The following DIAPH3 variants were observed in gnomAD, a reference collection of about 807,000 sequenced individuals.
DIAPH3 encodes the protein diaphanous related formin 3.
Under a neutral mutation model 144.3 loss-of-function variants are expected in DIAPH3, and 117 were observed. The ratio of observed to expected loss-of-function variants is 0.81; its 90% CI spans 0.70 to 0.95. The LOEUF (loss-of-function observed/expected upper bound fraction) is 0.95, where lower values mean the gene tolerates loss of function less well. Among genes scored for constraint, DIAPH3 ranks in the 40% least tolerant of loss-of-function variants. DIAPH3 has a pLI of 0.00. For missense variants in DIAPH3, 1,421 were observed against 1,412.7 expected (o/e 1.01, Z -0.09); for synonymous variants, 519 against 488.9 (o/e 1.06, Z -0.81).
chr13:60,106,174 A>G (rs1393597530), intron 3 of DIAPH3, among the ~76,000 whole-genome samples: 2 of 152,244 alleles, frequency 1.3e-5, no homozygotes, highest in South Asian at 4.1e-4. Context: ...CAGCTCTTAG[A>G]TATTAAGGTT....
At position 59,911,660 on chromosome 13, in the gene DIAPH3, TAGCGATATAAA is replaced by T. The variant is rs2047001684; in HGVS notation, c.2367+64_2367+74del. On this transcript the variant is annotated intron_variant, in intron 20 of 27. Transcript: ENST00000400324. Reference sequence around the variant, plus strand: ...GATTACTCACATGCTTTTTTACATTTAGCGATATAAAAACAGTTGACAGGTTCTCTTGTTTG... The same window carrying T: ...GATTACTCACATGCTTTTTTACATTTAACAGTTGACAGGTTCTCTTGTTTG... 2.8e-6 allele frequency: 3 copies of T among 1,082,112 alleles called. No individual in the cohort carries two copies. The East Asian group carries it at 7.1e-5, about 26-fold the overall frequency. The allele number at this position is 1,082,112 out of a possible 1,614,324, so 67.0% of individuals were successfully genotyped here.
At chr13:59,956,646 G>A (rs2049426121) in intron 17 of DIAPH3, among the ~76,000 whole-genome samples, 1 of 152,228 alleles carries the variant, frequency 6.6e-6, no homozygotes. Context: ...TCCCCACTAG[G>A]GCACTGCTGG....
chr13:59,667,670 TAC>T (rs2032099468), intron 27 of DIAPH3, among the ~76,000 whole-genome samples: 2 of 152,248 alleles, frequency 1.3e-5, no homozygotes, highest in Non-Finnish European at 1.5e-5. Context: ...CATATATACA[TAC>T]ACACATACAT....
chr13:59,686,938 C>T (rs536378094), intron 27 of DIAPH3, among the ~76,000 whole-genome samples: 20 of 152,144 alleles, frequency 1.3e-4, no homozygotes, highest in South Asian at 6.2e-4. Flanking sequence ...AAAACAGTAA[C>T]GACTTCAGAG....
At chr13:59,996,942 A>G (rs2052232090) in intron 9 of DIAPH3, among the ~76,000 whole-genome samples, 1 of 152,128 alleles carries the variant, frequency 6.6e-6, no homozygotes, top group Non-Finnish European at 1.5e-5. Flanking sequence ...CCTTTGGTAC[A>G]TAATTTACTG....
intron 5 of DIAPH3, among the ~76,000 whole-genome samples, chr13:60,034,039 T>C (rs74944839): frequency 0.037 from 5,579 of 152,318 alleles, 135 homozygotes; most frequent in East Asian, 0.075. Flanking sequence ...GACTTGGCAA[T>C]ACTCTAAGAC....
chr13:59,709,161 C>T (rs1158244609), intron 27 of DIAPH3, among the ~76,000 whole-genome samples: 1 of 152,096 alleles, frequency 6.6e-6, no homozygotes, highest in Non-Finnish European at 1.5e-5. Flanking sequence ...ACTTTTATTT[C>T]TGGGTGAGCC....
intron 17 of DIAPH3, among the ~76,000 whole-genome samples, chr13:59,935,548 T>C (rs561111182): frequency 8.5e-5 from 13 of 152,242 alleles, no homozygotes; most frequent in East Asian, 3.9e-4. Flanking sequence ...TGATACAGAA[T>C]ACATAGGAAA....
chr13:59,850,813 A>C (rs1405014677), intron 22 of DIAPH3, among the ~76,000 whole-genome samples: 2 of 148,148 alleles, frequency 1.3e-5, no homozygotes, highest in South Asian at 2.2e-4. Context: ...ACACTCTCCC[A>C]AGACTAAACC....
intron 21 of DIAPH3, among the ~76,000 whole-genome samples, chr13:59,863,009 C>T (rs1456917752): frequency 6.6e-6 from 1 of 152,140 alleles, no homozygotes; most frequent in Non-Finnish European, 1.5e-5. Flanking sequence ...ATCAAATTAA[C>T]ATAAACAGGT....
chr13:59,911,255 A>C (rs2046982965), intron 20 of DIAPH3, among the ~76,000 whole-genome samples: 1 of 152,186 alleles, frequency 6.6e-6, no homozygotes, highest in African/African-American at 2.4e-5. Flanking sequence ...AGGCTGGAGC[A>C]AGATGATTAT....
At chr13:59,683,635 G>A (rs913424589) in intron 27 of DIAPH3, among the ~76,000 whole-genome samples, 17 of 152,134 alleles carry the variant, frequency 1.1e-4, no homozygotes, top group African/African-American at 4.1e-4. Context: ...GGTGCATTGG[G>A]CAGAATTTGA....
At chr13:60,047,164 C>T (rs985506283) in intron 4 of DIAPH3, among the ~76,000 whole-genome samples, 2 of 151,820 alleles carry the variant, frequency 1.3e-5, no homozygotes, top group South Asian at 2.1e-4. Flanking sequence ...GATAAAACTA[C>T]AACACATTTG....
intron 17 of DIAPH3, among the ~76,000 whole-genome samples, chr13:59,937,753 A>G (rs911441014): frequency 2.0e-5 from 3 of 152,206 alleles, no homozygotes; most frequent in Admixed American, 6.5e-5. Flanking sequence ...ACTTACTTCT[A>G]TATTTGATGA....
chr13:59,704,729 C>G (rs2034317652), intron 27 of DIAPH3, among the ~76,000 whole-genome samples: 1 of 152,156 alleles, frequency 6.6e-6, no homozygotes, highest in African/African-American at 2.4e-5. Flanking sequence ...CTAGGAGTAA[C>G]AGGTTACACC....
intron 27 of DIAPH3, among the ~76,000 whole-genome samples, chr13:59,747,323 T>A (rs1316209214): frequency 1.3e-5 from 2 of 152,172 alleles, no homozygotes; most frequent in African/African-American, 4.8e-5. Context: ...AATCTTTCAA[T>A]AAATATTTAT....
chr13:59,684,914 T>G (rs990290367), intron 27 of DIAPH3, among the ~76,000 whole-genome samples: 8 of 152,172 alleles, frequency 5.3e-5, no homozygotes, highest in African/African-American at 1.9e-4. Context: ...TATGTGCTAA[T>G]TTGCTGGGGA....
chr13:59,850,425 T>A (rs1263585437), intron 22 of DIAPH3, among the ~76,000 whole-genome samples: 1 of 151,802 alleles, frequency 6.6e-6, no homozygotes, highest in African/African-American at 2.4e-5. Flanking sequence ...CTTCCAGTTT[T>A]TGCCCATTCA....
intron 4 of DIAPH3, among the ~76,000 whole-genome samples, chr13:60,076,260 C>T (rs1211307492): frequency 1.3e-5 from 2 of 152,216 alleles, no homozygotes; most frequent in Non-Finnish European, 2.9e-5. Flanking sequence ...AATGCCCACT[C>T]ATTTGGCTCC....
Sources: gnomAD v4.1 joint callset for allele counts (sites outside exome capture counted in the v4.1 genomes callset) on GRCh38, gnomAD v4.1.1 for gene constraint, MANE v1.5 for transcripts, NCBI Gene and HGNC (gene_info 2026-07-23, HGNC 2026-07-21) for gene names.